The following C1QTNF3 variants were observed in gnomAD, a reference collection of about 807,000 sequenced individuals.
C1QTNF3 encodes complement C1q tumor necrosis factor-related protein 3.
In C1QTNF3, 26 loss-of-function variants were observed where a neutral mutation model predicts 32.6. The observed-to-expected ratio is 0.80, with a 90% CI of 0.58 to 1.11. The LOEUF is 1.11. C1QTNF3 is among the 50% of genes least tolerant of loss of function. C1QTNF3 has a pLI of 0.00. For synonymous variants in C1QTNF3, 155 were observed against 146.0 expected, an observed-to-expected ratio of 1.06 and a Z score of -0.44; for missense variants, 362 against 398.2, an observed-to-expected ratio of 0.91 and a Z score of 0.77.
the C1QTNF3 span, among the ~76,000 whole-genome samples, chr5:34,241,637 C>T: frequency 1.3e-5 from 2 of 151,848 alleles, no homozygotes; most frequent in African/African-American, 4.8e-5. Context: ...AAATCTGAAG[C>T]TGGATGCAGT....
At chr5:34,072,381 G>GAAAGA in the C1QTNF3 span, among the ~76,000 whole-genome samples, 1 of 147,826 alleles carries the variant, frequency 6.8e-6, no homozygotes, top group Non-Finnish European at 1.5e-5. Flanking sequence ...GAGAAAGAAA[G>GAAAGA]AAAGAAAGAA....
Position 34,020,713 on chromosome 5 carries a change from G to C in C1QTNF3, c.830C>G (p.Ser277Cys). Residue 277 changes from serine to cysteine, a missense_variant, in exon 6 of 6, where the codon TCC (serine) becomes TGC (cysteine). Coordinates refer to ENST00000382065, the MANE Select transcript of C1QTNF3 (RefSeq NM_181435.6). ...TAGCTTCAGCACAGCATGATTGCTG[G>C]ATGTATCTGATTTGCCCTTCATTTC... ...SYEMKGKSDT[S>C]SNHAVLKLAK... The C allele has an allele frequency of 6.2e-7, 1 of 1,613,886 alleles. No individual in the cohort carries two copies. The highest frequency in any genetic ancestry group is 1.1e-5 in the South Asian group (1 of 91,042).
chr5:34,203,848 C>CT, the C1QTNF3 span, among the ~76,000 whole-genome samples: 1 of 151,238 alleles, frequency 6.6e-6, no homozygotes, highest in Non-Finnish European at 1.5e-5. Context: ...GTAATGGAGA[C>CT]TAAAAGCAAG....
At chr5:34,072,701 A>G in the C1QTNF3 span, among the ~76,000 whole-genome samples, 21 of 152,326 alleles carry the variant, frequency 1.4e-4, no homozygotes, top group Non-Finnish European at 2.5e-4. Flanking sequence ...TCTTTTTTCA[A>G]TATCAAATGT....
chr5:34,035,505 G>A (rs534922521), intron 2 of C1QTNF3, 142 bp downstream of exon 2: 9 of 691,872 alleles, frequency 1.3e-5, no homozygotes, highest in South Asian at 1.0e-4. Context: ...CCCAGCCTAT[G>A]AACCTGGTAT....
chr5:34,026,456 C>CAAAAAAAAAAAAAAAAAAA (rs11335593), intron 4 of C1QTNF3, among the ~76,000 whole-genome samples: 1 of 92,776 alleles, frequency 1.1e-5, no homozygotes, highest in African/African-American at 3.7e-5. Flanking sequence ...AATCTGCCAG[C>CAAAAAAAAAAAAAAAAAAA]AAAAAAAAAA....
chr5:34,046,856 T>A (rs542188880), upstream of C1QTNF3, among the ~76,000 whole-genome samples: 2 of 152,148 alleles, frequency 1.3e-5, 1 homozygote. Context: ...ATTACTTAAG[T>A]TCATGGGCAG....
At chr5:34,082,423 T>G in the C1QTNF3 span, among the ~76,000 whole-genome samples, 1 of 151,620 alleles carries the variant, frequency 6.6e-6, no homozygotes. Flanking sequence ...ATACTGTGAG[T>G]AATTATCACA....
the C1QTNF3 span, chr5:34,166,324 T>C: frequency 6.6e-6 from 1 of 152,066 alleles, no homozygotes; most frequent in African/African-American, 2.4e-5. Flanking sequence ...TGGCAACTGA[T>C]TGCAACATAT....
chr5:34,164,075 T>C, the C1QTNF3 span, among the ~76,000 whole-genome samples: 3 of 152,126 alleles, frequency 2.0e-5, no homozygotes, highest in African/African-American at 7.2e-5. Context: ...AGCTTGAATA[T>C]GAAATGTGAA....
At chr5:34,022,689 T>C (rs1579596708) in intron 5 of C1QTNF3, among the ~76,000 whole-genome samples, 1 of 152,274 alleles carries the variant, frequency 6.6e-6, no homozygotes, top group Non-Finnish European at 1.5e-5. Flanking sequence ...CACCTTTGCA[T>C]TTGTTGGGTG....
At chr5:34,211,083 T>G in the C1QTNF3 span, among the ~76,000 whole-genome samples, 1 of 151,454 alleles carries the variant, frequency 6.6e-6, no homozygotes, top group Non-Finnish European at 1.5e-5. Flanking sequence ...ATTATGTTTG[T>G]GTTTTGAAAC....
the C1QTNF3 span, among the ~76,000 whole-genome samples, chr5:34,088,899 T>C: frequency 0.037 from 5,625 of 152,162 alleles, 353 homozygotes; most frequent in African/African-American, 0.13. Context: ...CTCAGAGTTA[T>C]ACGCCAATCA....
chr5:34,194,844 C>T, the C1QTNF3 span, among the ~76,000 whole-genome samples: 2 of 150,966 alleles, frequency 1.3e-5, no homozygotes, highest in Non-Finnish European at 3.0e-5. Context: ...CTCCCATATA[C>T]TTCATATCAA....
the C1QTNF3 span, among the ~76,000 whole-genome samples, chr5:34,179,455 C>T: frequency 6.6e-6 from 1 of 152,372 alleles, no homozygotes; most frequent in East Asian, 1.9e-4. Context: ...GCACTCCAGC[C>T]TGGGCCACAG....
chr5:34,033,481 C>T (rs1561058294), intron 2 of C1QTNF3, 23 bp from the exon 3 acceptor site: 3 of 1,613,992 alleles, frequency 1.9e-6, no homozygotes, highest in Non-Finnish European at 2.5e-6. Flanking sequence ...GACATCATCA[C>T]ATGAGAAAAC....
chr5:34,025,365 A>G (rs1754434218), intron 4 of C1QTNF3, among the ~76,000 whole-genome samples: 1 of 152,242 alleles, frequency 6.6e-6, no homozygotes, highest in African/African-American at 2.4e-5. Flanking sequence ...GATGACTACT[A>G]TTAAAAATAG....
chr5:34,223,604 C>A, the C1QTNF3 span, among the ~76,000 whole-genome samples: 1 of 151,864 alleles, frequency 6.6e-6, no homozygotes, highest in African/African-American at 2.4e-5. Context: ...CACTGACTTC[C>A]ACAATGGTCG....
At chr5:34,089,873 AT>A in the C1QTNF3 span, among the ~76,000 whole-genome samples, 1 of 152,226 alleles carries the variant, frequency 6.6e-6, no homozygotes, top group African/African-American at 2.4e-5. Flanking sequence ...TGTATCTTTT[AT>A]GAAAATTGAA....
Sources: gnomAD v4.1 joint callset for allele counts (sites outside exome capture counted in the v4.1 genomes callset) on GRCh38, gnomAD v4.1.1 for gene constraint, MANE v1.5 for transcripts, NCBI Gene and HGNC (gene_info 2026-07-23, HGNC 2026-07-21) for gene names.